TNK2: variants seen among roughly 807,000 people sequenced by gnomAD.
TNK2 encodes activated CDC42 kinase 1.
A neutral mutation model predicts 101.8 loss-of-function variants in TNK2; 83 were observed. That is an observed-to-expected ratio of 0.82 (90% CI 0.68 to 0.98). TNK2 has a LOEUF of 0.98. Among genes scored for constraint, TNK2 ranks in the 50% least tolerant of loss-of-function variants. The pLI, the probability that TNK2 is intolerant of heterozygous loss-of-function variation, is 0.00. For missense variants in TNK2, 1,665 were observed against 1,483.2 expected (o/e 1.12, Z -2.01); for synonymous variants, 804 against 633.0 (o/e 1.27, Z -4.06).
Position 195,878,607 on chromosome 3 carries a change from G to A in TNK2, c.1015-15C>T, listed in dbSNP as rs779042449. The A allele has an allele frequency of 1.1e-5, 17 of 1,607,702 alleles. No homozygotes were observed. In the East Asian group the frequency reaches 3.6e-4, roughly 34 times the overall value. ...TTATGCAGGATCTGAAGGTGAGGAG[G>A]TGCAGAGTTTGACGACAAACAGAGC... On this transcript the variant is annotated splice_polypyrimidine_tract_variant and intron_variant, in intron 7 of 15. Transcript: ENST00000672887. This position sits in a 1 kb window ranked among gnomAD's most constrained non-coding sequence, Gnocchi z 4.7.
chr3:195,864,990 G>A lies in TNK2; in HGVS notation c.3162-803C>T, dbSNP rs1371606860. On this transcript the variant is annotated intron_variant, in intron 15 of 15. Transcript: ENST00000672887. ...ATCAGTAAGAACCACCCGAGACAGC[G>A]ACAGACAGGTGACAGCGAGTGCCTG... Among the ~76,000 whole-genome samples, 4 of 134,786 alleles carry A rather than the reference G, an allele frequency of 3.0e-5. 1 individual carries two copies. Among genetic ancestry groups the A allele is most frequent in the Non-Finnish European group, 6.4e-5 (4 of 62,028 alleles). The allele number at this position is 134,786 out of a possible 152,430, so 88.4% of individuals were successfully genotyped here.
chr3:195,887,581 CATT>C (rs764969659), intron 2 of TNK2, among the ~76,000 whole-genome samples: 192 of 152,166 alleles, frequency 1.3e-3, no homozygotes, highest in Admixed American at 3.9e-3. Flanking sequence ...TAACTTGACA[CATT>C]ATTACCTATT....
Position 195,884,863 on chromosome 3 carries a change from A to T in TNK2, c.405T>A (p.Gly135=). 2 of 1,613,634 alleles carry T rather than the reference A, an allele frequency of 1.2e-6. No homozygotes were observed. The highest frequency in any genetic ancestry group is 1.7e-6 in the Non-Finnish European group (2 of 1,179,962). The part of the protein sequence containing the change: ...DLRLLEKLGD[G]SFGVVRRGEW... Reference sequence around the variant, plus strand: ...CGCCCCTGCGCACCACGCCAAAGGAACCATCACCCAGCTTCTCCAGGAGGC... The same window carrying T: ...CGCCCCTGCGCACCACGCCAAAGGATCCATCACCCAGCTTCTCCAGGAGGC... The change falls in exon 4 of 16, where the codon GGT becomes GGA. Residue 135 remains glycine (G), a synonymous_variant. Coordinates refer to ENST00000672887, the MANE Select transcript of TNK2 (RefSeq NM_001382273.1).
intron 6 of TNK2, 53 bp downstream of exon 6, chr3:195,881,998 T>C: frequency 6.4e-7 from 1 of 1,566,428 alleles, no homozygotes; most frequent in Non-Finnish European, 8.7e-7. Flanking sequence ...CCCCAGAAGC[T>C]TTGAGGCCTG....
chr3:195,893,360 G>A (rs1759371141), intron 1 of TNK2, among the ~76,000 whole-genome samples: 1 of 151,930 alleles, frequency 6.6e-6, no homozygotes, highest in South Asian at 2.1e-4. Context: ...CCCCTGGGGT[G>A]GCCCTGTCTG....
In TNK2 at chr3:195,868,085, C is replaced by T; in HGVS notation, c.2213G>A (p.Gly738Asp). The change falls in exon 13 of 16, where the codon GGC becomes GAC. Residue 738 changes from glycine to aspartate, a missense_variant. By Grantham distance (94) the Gly-to-Asp change is moderately conservative. Coordinates refer to ENST00000672887, the MANE Select transcript of TNK2 (RefSeq NM_001382273.1). ...CGGGCTGGGAGAGGGGGCCGGGGAG[C>T]CGGCCGGAGCCTGCAGTTGCCTCAT... Reference protein sequence around the residue: ...ECMRQLQAPAGSPAPSPSPGG... With the variant: ...ECMRQLQAPADSPAPSPSPGG... 1.2e-6 allele frequency: 2 copies of T among 1,609,358 alleles called. No individual in the cohort carries two copies. Among genetic ancestry groups the T allele is most frequent in the East Asian group, 2.2e-5 (1 of 44,756 alleles).
chr3:195,877,223 A>G (rs1183051880), intron 9 of TNK2, among the ~76,000 whole-genome samples: 1 of 152,110 alleles, frequency 6.6e-6, no homozygotes, highest in Non-Finnish European at 1.5e-5. Context: ...CTTCCCCAGC[A>G]TAACACCCCT....
intron 9 of TNK2, chr3:195,876,684 G>GC (rs1223642133): frequency 4.4e-6 from 2 of 453,086 alleles, no homozygotes; most frequent in Admixed American, 4.7e-5. Context: ...GGGGGAAGGA[G>GC]CCCCCAGAGC....
chr3:195,878,937 G>T lies in TNK2; in HGVS notation c.1014+112C>A. 1 of 1,506,920 alleles carries T rather than the reference G, an allele frequency of 6.6e-7. No individual in the cohort carries two copies. Among genetic ancestry groups the T allele is most frequent in the Non-Finnish European group, 9.0e-7 (1 of 1,114,584 alleles). 93.3% of individuals were successfully genotyped at this position (1,506,920 alleles called of 1,614,324 possible). ...CACGGGAAGTGGGGGGAGGCACGGG[G>T]CGTGGGAGGAGGGAGTCCATTGGTG... On this transcript the variant is annotated intron_variant, in intron 7 of 15. Transcript: ENST00000672887. The surrounding 1 kb of genome is among the most constrained non-coding windows in gnomAD (Gnocchi z 4.7).
At chr3:195,897,013 C>T (rs762064854) in intron 1 of TNK2, among the ~76,000 whole-genome samples, 3 of 152,194 alleles carry the variant, frequency 2.0e-5, no homozygotes, top group Admixed American at 6.5e-5. Flanking sequence ...CCTCCCAGCC[C>T]GCCCTCTCCC....
At chr3:195,895,922 G>GC (rs1290094087) in intron 1 of TNK2, 1 of 162,056 alleles carries the variant, frequency 6.2e-6, no homozygotes, top group Non-Finnish European at 1.3e-5. Flanking sequence ...CCTGCGCTCA[G>GC]CCGGCTCCGC....
rs537152126 is a variant in TNK2 at position 195,863,700 on chromosome 3, G to C, written c.*481C>G. On this transcript the variant is annotated 3_prime_UTR_variant, in exon 16 of 16. Coordinates refer to ENST00000672887, the MANE Select transcript of TNK2 (RefSeq NM_001382273.1). Reference sequence around the variant, plus strand: ...TCACATTCTGCCCGACACCCCAGCTGCTGCCAGGGGCCCCCTGGAAGAAGG... The same window carrying C: ...TCACATTCTGCCCGACACCCCAGCTCCTGCCAGGGGCCCCCTGGAAGAAGG... 4.6e-4 allele frequency: 73 copies of C among 160,254 alleles called. No individual in the cohort carries two copies. The highest frequency in any genetic ancestry group is 1.2e-3 in the Admixed American group (19 of 15,664). 9.9% of individuals were successfully genotyped at this position (160,254 alleles called of 1,614,324 possible). A position where few individuals can be genotyped will look rare whatever the true frequency, so the allele number is the denominator to read the frequency against.
At chr3:195,889,512 C>T (rs1294860739) in intron 1 of TNK2, among the ~76,000 whole-genome samples, 1 of 152,218 alleles carries the variant, frequency 6.6e-6, no homozygotes, top group Non-Finnish European at 1.5e-5. Context: ...ACTCTGTTGT[C>T]CCTACACGAA....
At chr3:195,907,326 G>C (rs897806940) in intron 1 of TNK2, among the ~76,000 whole-genome samples, 2 of 152,154 alleles carry the variant, frequency 1.3e-5, no homozygotes, top group African/African-American at 2.4e-5. Context: ...CTGAGGAGCG[G>C]GCTAACCGGC....
At chr3:195,889,879 A>C (rs533189638) in intron 1 of TNK2, among the ~76,000 whole-genome samples, 1 of 152,288 alleles carries the variant, frequency 6.6e-6, no homozygotes, top group East Asian at 1.9e-4. Flanking sequence ...GAGAGAAAAA[A>C]GGCCAGCTGC....
intron 12 of TNK2, 23 bp downstream of exon 12, chr3:195,869,474 G>A (rs1286668995): frequency 1.9e-6 from 3 of 1,549,808 alleles, no homozygotes; most frequent in South Asian, 1.2e-5. Flanking sequence ...GGGGGCCAAG[G>A]CATCGGAAGC....
In TNK2 at chr3:195,888,475, A is replaced by G. The variant is rs947646450; in HGVS notation, c.114T>C (p.Phe38=). ...CCAGGTCCTCATTCTTGACGTACTC[A>G]AAGTGGGACAGGCGGGTGACGTTGA... The part of the protein sequence containing the change: ...DDLNVTRLSH[F]EYVKNEDLEK... Residue 38 remains phenylalanine, a synonymous_variant, in exon 2 of 16, where the codon TTT becomes TTC. Coordinates refer to ENST00000672887, the MANE Select transcript of TNK2 (RefSeq NM_001382273.1). This position sits in a 1 kb window ranked among gnomAD's most constrained non-coding sequence, Gnocchi z 5.3. 1.7e-5 allele frequency: 28 copies of G among 1,613,952 alleles called. No individual in the cohort carries two copies. The highest frequency in any genetic ancestry group is 2.3e-5 in the Non-Finnish European group (27 of 1,180,000).
At chr3:195,865,990 G>A (rs1201248991) in intron 15 of TNK2, among the ~76,000 whole-genome samples, 8 of 151,844 alleles carry the variant, frequency 5.3e-5, no homozygotes, top group African/African-American at 1.7e-4. Context: ...CCTGGCCCGT[G>A]TCAGCCCCTC....
At chr3:195,891,648 G>A (rs1452544699) in intron 1 of TNK2, among the ~76,000 whole-genome samples, 1 of 149,538 alleles carries the variant, frequency 6.7e-6, no homozygotes, top group Admixed American at 6.6e-5. Context: ...TGTCCCTGGA[G>A]CAAAGTGACC....
Sources: allele counts gnomAD v4.1 joint callset (sites outside exome capture counted in the v4.1 genomes callset), GRCh38; gene constraint gnomAD v4.1.1; non-coding constraint Gnocchi (gnomAD v3.1); transcripts MANE v1.5; gene names NCBI Gene and HGNC (gene_info 2026-07-23, HGNC 2026-07-21).